MYCBP2: variants seen among roughly 807,000 people sequenced by gnomAD.
MYCBP2 encodes E3 ubiquitin-protein ligase MYCBP2.
MYCBP2 carries 120 observed loss-of-function variants against 525.3 expected under a neutral mutation model. The observed-to-expected ratio is 0.23, with a 90% CI of 0.20 to 0.27. MYCBP2 has a LOEUF of 0.27. MYCBP2 is among the 10% of genes least tolerant of loss of function. The pLI, the probability that MYCBP2 is intolerant of heterozygous loss-of-function variation, is 1.00. For synonymous variants in MYCBP2, 1,894 were observed against 1,955.8 expected, an observed-to-expected ratio of 0.97 and a Z score of 0.83; for missense variants, 4,149 against 5,657.1, an observed-to-expected ratio of 0.73 and a Z score of 8.55.
At chr13:77,085,928 A>G (rs2044179113) in intron 62 of MYCBP2, among the ~76,000 whole-genome samples, 1 of 152,204 alleles carries the variant, frequency 6.6e-6, no homozygotes, top group Admixed American at 6.5e-5. Flanking sequence ...TTACAGGTAT[A>G]TGACAATCTC....
chr13:77,122,441 C>T (rs1316761731), intron 54 of MYCBP2, among the ~76,000 whole-genome samples: 1 of 152,028 alleles, frequency 6.6e-6, no homozygotes, highest in Non-Finnish European at 1.5e-5. Context: ...GTGGCTTACG[C>T]TTGTAATCCC....
intron 47 of MYCBP2, among the ~76,000 whole-genome samples, chr13:77,146,818 G>A (rs950675730): frequency 2.5e-4 from 38 of 152,122 alleles, no homozygotes; most frequent in African/African-American, 8.2e-4. Flanking sequence ...TACATTGCTC[G>A]TGGGAGTGTG....
chr13:77,050,672 G>A (rs1594023187), intron 82 of MYCBP2, among the ~76,000 whole-genome samples: 1 of 150,662 alleles, frequency 6.6e-6, no homozygotes. Flanking sequence ...AAAAATCACA[G>A]AATCCTTTTA....
chr13:77,207,679 T>C (rs1354143181), intron 23 of MYCBP2, among the ~76,000 whole-genome samples: 3 of 152,230 alleles, frequency 2.0e-5, no homozygotes, highest in African/African-American at 7.2e-5. Context: ...AAATATATTA[T>C]GGTAGCTTCT....
chr13:77,284,787 A>G (rs1178412384), intron 3 of MYCBP2, among the ~76,000 whole-genome samples: 2 of 152,202 alleles, frequency 1.3e-5, no homozygotes, highest in Admixed American at 6.5e-5. Context: ...TGTTCTCTCA[A>G]GCACTCAACA....
At chr13:77,233,288 C>T in intron 17 of MYCBP2, 25 bp from the exon 18 acceptor site, 1 of 1,523,230 alleles carries the variant, frequency 6.6e-7, no homozygotes, top group Non-Finnish European at 9.1e-7. Flanking sequence ...TTTGTATGTG[C>T]ATAGAAAAAC....
intron 1 of MYCBP2, among the ~76,000 whole-genome samples, chr13:77,318,366 C>T (rs1393954181): frequency 6.6e-6 from 1 of 152,044 alleles, no homozygotes; most frequent in Non-Finnish European, 1.5e-5. Flanking sequence ...GTAGTTAGAT[C>T]CAAATAACAA....
intron 17 of MYCBP2, 26 bp downstream of exon 17, chr13:77,243,033 A>G: frequency 1.3e-6 from 2 of 1,597,982 alleles, no homozygotes; most frequent in Non-Finnish European, 1.7e-6. Flanking sequence ...ATTTTCATGT[A>G]CTTTTTCTCT....
At position 77,045,512 on chromosome 13, in the gene MYCBP2, G is replaced by A; in HGVS notation, c.13922-19C>T. ...TTGGGACCTGTATAAATTTGAAGGA[G>A]GCAAAGGAAAATAATGTTTTAAGAA... On this transcript the variant is annotated intron_variant, in intron 82 of 82. Coordinates refer to ENST00000544440, the MANE Select transcript of MYCBP2 (RefSeq NM_015057.5). 1 of 1,517,888 alleles carries A rather than the reference G, an allele frequency of 6.6e-7. No homozygotes were observed. The highest frequency in any genetic ancestry group is 9.1e-7 in the Non-Finnish European group (1 of 1,094,684). The allele number at this position is 1,517,888 out of a possible 1,614,324, so 94.0% of individuals were successfully genotyped here.
intron 55 of MYCBP2, among the ~76,000 whole-genome samples, chr13:77,102,590 A>T (rs2047239242): frequency 6.6e-6 from 1 of 151,450 alleles, no homozygotes. Flanking sequence ...ATTGTCTGAA[A>T]TTTTGTCAAT....
rs1455896388 is a variant in MYCBP2, at chr13:77,189,015, C to G, written c.4187G>C (p.Gly1396Ala). 6.2e-7 allele frequency: 1 copy of G among 1,610,326 alleles called. No individual in the cohort carries two copies. Among genetic ancestry groups the G allele is most frequent in the Non-Finnish European group, 8.5e-7 (1 of 1,178,392 alleles). Residue 1396 changes from glycine to alanine, a missense_variant, in exon 30 of 83, where the codon GGC (glycine) becomes GCC (alanine). By Grantham distance (60) the Gly-to-Ala change is moderately conservative. Coordinates refer to ENST00000544440, the MANE Select transcript of MYCBP2 (RefSeq NM_015057.5). ...LPTSDGSASK[G>A]KQQTSEPVHI... is the part of the protein sequence containing the mutation. ...TACAGGTTCACTGGTTTGCTGTTTG[C>G]CTTTTGAAGCACTGCCATCACTGGT... is the stretch of plus-strand genomic sequence containing the variant.
chr13:77,232,288 TA>T (rs1177553784), intron 18 of MYCBP2, among the ~76,000 whole-genome samples: 1 of 152,224 alleles, frequency 6.6e-6, no homozygotes, highest in African/African-American at 2.4e-5. Context: ...TAAAACTTCC[TA>T]TTCTATTTTG....
At chr13:77,227,039 T>C (rs950937751) in intron 18 of MYCBP2, among the ~76,000 whole-genome samples, 1 of 152,094 alleles carries the variant, frequency 6.6e-6, no homozygotes, top group Non-Finnish European at 1.5e-5. Context: ...TCCTTTAACA[T>C]ACAAGAATTA....
Position 77,058,959 on chromosome 13 carries a change from T to C in MYCBP2, c.13141-553A>G, listed in dbSNP as rs2038732654. On this transcript the variant is annotated intron_variant, in intron 77 of 82. Transcript: ENST00000544440. This position sits in a 1 kb window ranked among gnomAD's most constrained non-coding sequence, Gnocchi z 4.1. ...GAGATCGTGCCACTGTACTCCAGCCTGGGCGACACAGCCAGACTCCGTCTC... is the reference window on the plus strand; with the variant it reads ...GAGATCGTGCCACTGTACTCCAGCCCGGGCGACACAGCCAGACTCCGTCTC... Among the ~76,000 whole-genome samples the C allele has an allele frequency of 6.6e-6, 1 of 152,060 alleles. No individual in the cohort carries two copies. The highest frequency in any genetic ancestry group is 2.1e-4 in the South Asian group (1 of 4,822).
At chr13:77,322,149 T>TA (rs1567258525) in intron 1 of MYCBP2, among the ~76,000 whole-genome samples, 1 of 152,070 alleles carries the variant, frequency 6.6e-6, no homozygotes, top group African/African-American at 2.4e-5. Context: ...TCAAAATAAG[T>TA]AAAATAAAAT....
At chr13:77,206,856 C>T (rs1290867871) in intron 23 of MYCBP2, 31 bp from the exon 24 acceptor site, 2 of 1,523,310 alleles carry the variant, frequency 1.3e-6, no homozygotes, top group East Asian at 2.3e-5. Context: ...TACAGCACCT[C>T]AATGTGGTTT....
chr13:77,119,671 T>G (rs957179175), intron 55 of MYCBP2, among the ~76,000 whole-genome samples: 26 of 152,216 alleles, frequency 1.7e-4, no homozygotes, highest in Admixed American at 1.7e-3. Flanking sequence ...ATTTCTTTGC[T>G]CCTTCTAAAT....
At chr13:77,312,720 G>A (rs958661963) in intron 1 of MYCBP2, among the ~76,000 whole-genome samples, 2 of 151,860 alleles carry the variant, frequency 1.3e-5, no homozygotes, top group South Asian at 2.1e-4. Context: ...ACAATAAAGT[G>A]GCAGACCTAT....
At chr13:77,323,865 C>T (rs1594924142) in intron 1 of MYCBP2, among the ~76,000 whole-genome samples, 1 of 152,210 alleles carries the variant, frequency 6.6e-6, no homozygotes, top group Admixed American at 6.5e-5. Context: ...ATATTAACTG[C>T]TCCTTTTTTC....
Sources: gnomAD v4.1 joint callset for allele counts (sites outside exome capture counted in the v4.1 genomes callset) on GRCh38, gnomAD v4.1.1 for gene constraint, Gnocchi (gnomAD v3.1) non-coding constraint, MANE v1.5 for transcripts, NCBI Gene and HGNC (gene_info 2026-07-23, HGNC 2026-07-21) for gene names.